The following PANK2 variants were observed in gnomAD, a reference collection of about 807,000 sequenced individuals.
PANK2 encodes the protein pantothenate kinase 2, mitochondrial.
Under a neutral mutation model 43.1 loss-of-function variants are expected in PANK2, and 36 were observed. That is an observed-to-expected ratio of 0.84 (90% CI 0.64 to 1.10). The LOEUF (loss-of-function observed/expected upper bound fraction) is 1.10. PANK2 is among the 50% of genes least tolerant of loss of function. PANK2 has a pLI of 0.00. For synonymous variants in PANK2, 281 were observed against 238.2 expected, an observed-to-expected ratio of 1.18 and a Z score of -1.66; for missense variants, 576 against 593.3, an observed-to-expected ratio of 0.97 and a Z score of 0.30.
intron 1 of PANK2, 122 bp from the exon 2 acceptor site, chr20:3,907,803 AC>A: frequency 1.2e-6 from 1 of 814,002 alleles, no homozygotes; most frequent in Non-Finnish European, 2.0e-6. Flanking sequence ...TTGCCCCAAA[AC>A]CCTTTTGCCT....
rs1209877708 is a variant in PANK2, at chr20:3,926,241, T to C, written c.*2947T>C. On this transcript the variant is annotated 3_prime_UTR_variant, in exon 7 of 7. Coordinates refer to ENST00000610179, the MANE Select transcript of PANK2 (RefSeq NM_001386393.1). ...TGGAGATACAGAGCTGAGAATGATATGCATGTAGGTGGGCAAAGCAAGGGG... is the reference window on the plus strand; with the variant it reads ...TGGAGATACAGAGCTGAGAATGATACGCATGTAGGTGGGCAAAGCAAGGGG... 2 of 152,322 alleles carry C rather than the reference T, an allele frequency of 1.3e-5. No homozygotes were observed. Among genetic ancestry groups the C allele is most frequent in the African/African-American group, 4.8e-5 (2 of 41,532 alleles). 9.4% of individuals were successfully genotyped at this position (152,322 alleles called of 1,614,324 possible).
intron 1 of PANK2, among the ~76,000 whole-genome samples, chr20:3,892,577 T>TGAGGCAGATAATTGCTTGAACCCGG (rs1449154963): frequency 2.0e-4 from 30 of 147,462 alleles, no homozygotes; most frequent in Middle Eastern, 3.5e-3. Flanking sequence ...CTCGGGAGGC[T>TGAGGCAGATAATTGCTTGAACCCGG]GAGGCAGATA....
rs1135401789 is a variant in PANK2 at position 3,910,831 on chromosome 20, G to T, written c.905+1G>T. 1 of 1,614,074 alleles carries T rather than the reference G, an allele frequency of 6.2e-7. No individual in the cohort carries two copies. Among genetic ancestry groups the T allele is most frequent in the East Asian group, 2.2e-5 (1 of 44,876 alleles). On this transcript the variant is annotated splice_donor_variant, in intron 3 of 6. Transcript: ENST00000610179. LOFTEE classifies it high-confidence loss of function. ...ATTACAAACGGGTCACAGGTACTAG[G>T]TAAGTTGTATATAAAACTCACTGTT...
intron 1 of PANK2, among the ~76,000 whole-genome samples, chr20:3,895,403 A>G (rs1045262285): frequency 6.6e-6 from 1 of 151,298 alleles, no homozygotes; most frequent in Non-Finnish European, 1.5e-5. Flanking sequence ...GGATTGCTTG[A>G]GCCCGGAAGA....
At chr20:3,899,131 C>G (rs1255800304) in intron 1 of PANK2, among the ~76,000 whole-genome samples, 1 of 151,388 alleles carries the variant, frequency 6.6e-6, no homozygotes, top group Non-Finnish European at 1.5e-5. Context: ...GCCTCGGCCT[C>G]CCAAAGTGCT....
intron 6 of PANK2, among the ~76,000 whole-genome samples, chr20:3,922,654 G>A (rs898026555): frequency 6.6e-6 from 1 of 151,906 alleles, no homozygotes; most frequent in African/African-American, 2.4e-5. Context: ...CTCACCCACC[G>A]GCCTTGCTCT....
intron 1 of PANK2, among the ~76,000 whole-genome samples, chr20:3,904,952 G>A (rs1274260430): frequency 6.6e-6 from 1 of 152,150 alleles, no homozygotes; most frequent in Admixed American, 6.6e-5. Context: ...TTTTAGGGGA[G>A]GTATGAGATA....
chr20:3,912,726 C>A, intron 4 of PANK2, 92 bp downstream of exon 4: 6 of 1,391,882 alleles, frequency 4.3e-6, no homozygotes, highest in Non-Finnish European at 6.0e-6. Context: ...CCGAGATGGG[C>A]AGATCATGAG....
intron 2 of PANK2, 122 bp from the exon 3 acceptor site, chr20:3,910,455 A>G: frequency 8.8e-7 from 1 of 1,132,124 alleles, no homozygotes. Flanking sequence ...GCATGCACAA[A>G]TAATACACAT....
intron 1 of PANK2, among the ~76,000 whole-genome samples, chr20:3,904,093 G>A (rs1212088650): frequency 6.6e-6 from 1 of 151,914 alleles, no homozygotes; most frequent in East Asian, 1.9e-4. Flanking sequence ...ACTGTGCCCG[G>A]CCAGTTTGCA....
At chr20:3,895,488 TTTTTTTTTTC>T (rs1398771483) in intron 1 of PANK2, among the ~76,000 whole-genome samples, 1 of 147,070 alleles carries the variant, frequency 6.8e-6, no homozygotes, top group East Asian at 2.0e-4. Flanking sequence ...GTCTCCGTTT[TTTTTTTTTTC>T]TTTTTTTTTT....
chr20:3,893,916 T>G (rs74916061), intron 1 of PANK2, among the ~76,000 whole-genome samples: 11,138 of 134,150 alleles, frequency 0.083, 511 homozygotes, highest in East Asian at 0.15. Context: ...GGAGTTTTTT[T>G]TTTGTTTGTT....
chr20:3,902,062 C>G (rs2090310552), intron 1 of PANK2, among the ~76,000 whole-genome samples: 1 of 151,832 alleles, frequency 6.6e-6, no homozygotes. Context: ...CTGTTCAGCC[C>G]TTAGAGTAAC....
In PANK2 at chr20:3,923,310, G is replaced by A. The variant is rs893495014; in HGVS notation, c.*16G>A. 6.2e-7 allele frequency: 1 copy of A among 1,613,804 alleles called. No individual in the cohort carries two copies. The highest frequency in any genetic ancestry group is 1.3e-5 in the African/African-American group (1 of 74,862). ...GATCCCGTGATCATTACCTGGGGAGGGGTTCCTGAAACCTTCCACAATGGG... is the reference window on the plus strand; with the variant it reads ...GATCCCGTGATCATTACCTGGGGAGAGGTTCCTGAAACCTTCCACAATGGG... On this transcript the variant is annotated 3_prime_UTR_variant, in exon 7 of 7. Coordinates refer to ENST00000610179, the MANE Select transcript of PANK2 (RefSeq NM_001386393.1).
At chr20:3,905,412 A>G (rs1247348332) in intron 1 of PANK2, among the ~76,000 whole-genome samples, 3 of 144,030 alleles carry the variant, frequency 2.1e-5, no homozygotes, top group Non-Finnish European at 4.5e-5. Flanking sequence ...GTGCAGTGGC[A>G]TGATCTCCGC....
chr20:3,904,759 CTG>C (rs1373431423), intron 1 of PANK2, among the ~76,000 whole-genome samples: 1 of 152,116 alleles, frequency 6.6e-6, no homozygotes. Flanking sequence ...GATTTTACCT[CTG>C]AGAATATTTT....
At chr20:3,908,351 A>G in intron 2 of PANK2, 73 bp downstream of exon 2, 2 of 1,329,732 alleles carry the variant, frequency 1.5e-6, no homozygotes, top group Non-Finnish European at 2.1e-6. Flanking sequence ...GCAAGTGGTG[A>G]AATAATTTCC....
chr20:3,921,062 ATTTTT>A (rs1157882105), intron 6 of PANK2, among the ~76,000 whole-genome samples: 1 of 151,564 alleles, frequency 6.6e-6, no homozygotes, highest in African/African-American at 2.4e-5. Flanking sequence ...ATTTTATTTT[ATTTTT>A]TTATTTAAGT....
rs1197568763 is a variant in PANK2, at chr20:3,928,394, C to T, written c.*5100C>T. ...GGGAAGCGAGGCACAAGTCTGTGCCCCTACTCCCAGGGCTGCCTGGAGGAA... is the reference window on the plus strand; with the variant it reads ...GGGAAGCGAGGCACAAGTCTGTGCCTCTACTCCCAGGGCTGCCTGGAGGAA... On this transcript the variant is annotated 3_prime_UTR_variant, in exon 7 of 7. Coordinates refer to ENST00000610179, the MANE Select transcript of PANK2 (RefSeq NM_001386393.1). 6.6e-6 allele frequency: 1 copy of T among 152,146 alleles called. No homozygotes were observed. Among genetic ancestry groups the T allele is most frequent in the African/African-American group, 2.4e-5 (1 of 41,418 alleles). The allele number at this position is 152,146 out of a possible 1,614,324, so 9.4% of individuals were successfully genotyped here. A position where few individuals can be genotyped will look rare whatever the true frequency, so the allele number is the denominator to read the frequency against.
Sources: gnomAD v4.1 joint callset for allele counts (sites outside exome capture counted in the v4.1 genomes callset) on GRCh38, gnomAD v4.1.1 for gene constraint, MANE v1.5 for transcripts, NCBI Gene and HGNC (gene_info 2026-07-23, HGNC 2026-07-21) for gene names.